ITPR2: variants seen among roughly 807,000 people sequenced by gnomAD.
ITPR2 encodes inositol 1,4,5-trisphosphate receptor type 2, also known as inositol 1,4,5-trisphosphate-gated calcium channel ITPR2.
Under a neutral mutation model 317.1 loss-of-function variants are expected in ITPR2, and 207 were observed. The ratio of observed to expected loss-of-function variants is 0.65; its 90% CI spans 0.58 to 0.73. The LOEUF is 0.73. ITPR2 is among the 30% of genes least tolerant of loss of function. The pLI, the probability that ITPR2 is intolerant of heterozygous loss-of-function variation, is 0.00. For missense variants in ITPR2, 2,613 were observed against 3,284.0 expected, an observed-to-expected ratio of 0.80 and a Z score of 4.99; for synonymous variants, 1,156 against 1,149.1, an observed-to-expected ratio of 1.01 and a Z score of -0.12.
intron 14 of ITPR2, 102 bp from the exon 15 acceptor site, chr12:26,663,948 A>G: frequency 9.3e-7 from 1 of 1,078,228 alleles, no homozygotes; most frequent in Non-Finnish European, 1.3e-6. Flanking sequence ...ACTTATATAA[A>G]TTTGAGTATT....
chr12:26,829,460 G>A (rs1951064815), intron 1 of ITPR2, among the ~76,000 whole-genome samples: 3 of 151,758 alleles, frequency 2.0e-5, no homozygotes, highest in Admixed American at 2.0e-4. Context: ...CCTCCCAAGT[G>A]GCTGAGACCA....
intron 11 of ITPR2, among the ~76,000 whole-genome samples, chr12:26,683,690 T>C (rs1948078319): frequency 6.6e-6 from 1 of 152,190 alleles, no homozygotes; most frequent in Non-Finnish European, 1.5e-5. Flanking sequence ...GGAACAATGG[T>C]TCAGTATTTG....
At chr12:26,607,873 G>A (rs946607648) in intron 26 of ITPR2, among the ~76,000 whole-genome samples, 10 of 151,512 alleles carry the variant, frequency 6.6e-5, no homozygotes, top group African/African-American at 2.2e-4. Context: ...AAGGTCAGGA[G>A]ATCGAGACCA....
chr12:26,516,305 A>AGGAAAGGAAGGGAAAGGAAG (rs1555145819), intron 37 of ITPR2, among the ~76,000 whole-genome samples: 1 of 84,882 alleles, frequency 1.2e-5, no homozygotes. Flanking sequence ...AGGAAAGGAA[A>AGGAAAGGAAGGGAAAGGAAG]GGAAAGGAAA....
At chr12:26,490,341 G>A (rs1942769825) in intron 39 of ITPR2, among the ~76,000 whole-genome samples, 1 of 152,236 alleles carries the variant, frequency 6.6e-6, no homozygotes, top group Admixed American at 6.5e-5. Flanking sequence ...ACTTTGTGAA[G>A]AAGAAAGAAT....
In ITPR2 at chr12:26,725,760, G is replaced by A. The variant is rs1297505737; in HGVS notation, c.169C>T (p.Leu57Phe). ...CTGTTCATAGGGCACACCTTGAAAA[G>A]GCAGTCTGTGACAAACCAACATACA... is the stretch of plus-strand genomic sequence containing the variant. ...ANPPKKFRDC[L>F]FKVCPMNRYS... Residue 57 changes from leucine to phenylalanine, a missense_variant, in exon 3 of 57, where the codon CTT becomes TTT. Physicochemically the swap from Leu to Phe is conservative, Grantham distance 22 (BLOSUM62 0). This residue lies in a region of ITPR2 where 515 missense variants were observed against 789.4 expected (regional missense o/e 0.65). Coordinates refer to ENST00000381340, the MANE Select transcript of ITPR2 (RefSeq NM_002223.4). 2 of 1,608,806 alleles carry A rather than the reference G, an allele frequency of 1.2e-6. No homozygotes were observed. The highest frequency in any genetic ancestry group is 1.3e-5 in the African/African-American group (1 of 74,868).
intron 37 of ITPR2, among the ~76,000 whole-genome samples, chr12:26,533,710 G>C (rs1201618416): frequency 6.6e-6 from 1 of 152,160 alleles, no homozygotes; most frequent in East Asian, 1.9e-4. Flanking sequence ...GACACAAGGA[G>C]AGGGTGGCCA....
intron 1 of ITPR2, among the ~76,000 whole-genome samples, chr12:26,822,358 T>C (rs140438672): frequency 3.2e-4 from 48 of 152,316 alleles, no homozygotes; most frequent in African/African-American, 1.1e-3. Flanking sequence ...TATCTATGGC[T>C]TTTTTAACAT....
chr12:26,548,927 T>C (rs1010998450), intron 37 of ITPR2, among the ~76,000 whole-genome samples: 1 of 152,220 alleles, frequency 6.6e-6, no homozygotes, highest in Non-Finnish European at 1.5e-5. Flanking sequence ...TTTCCGATTT[T>C]CCTTTGGAGT....
chr12:26,792,350 CT>C (rs1950356281), intron 1 of ITPR2, among the ~76,000 whole-genome samples: 1 of 151,590 alleles, frequency 6.6e-6, no homozygotes, highest in Admixed American at 6.6e-5. Flanking sequence ...TATATGATCA[CT>C]GGCATTAAAA....
At chr12:26,607,339 T>C (rs1342249922) in intron 26 of ITPR2, among the ~76,000 whole-genome samples, 1 of 152,228 alleles carries the variant, frequency 6.6e-6, no homozygotes, top group Non-Finnish European at 1.5e-5. Flanking sequence ...ACCGGTCTTT[T>C]ATATTTGATT....
At chr12:26,744,026 G>A (rs540821172) in intron 2 of ITPR2, among the ~76,000 whole-genome samples, 27 of 152,214 alleles carry the variant, frequency 1.8e-4, no homozygotes, top group Non-Finnish European at 3.5e-4. Context: ...TTCTCTCCTG[G>A]CTGCAGCAAC....
chr12:26,780,444 A>G (rs1281299534), intron 2 of ITPR2, among the ~76,000 whole-genome samples: 1 of 152,186 alleles, frequency 6.6e-6, no homozygotes, highest in Non-Finnish European at 1.5e-5. Context: ...GGTATTCCAC[A>G]CAACATTGCC....
At chr12:26,784,319 GCCTCTCCCTCTCCCTCTCCCTCTCCCTC>G (rs1950159235) in intron 2 of ITPR2, among the ~76,000 whole-genome samples, 1 of 31,720 alleles carries the variant, frequency 3.2e-5, no homozygotes, top group African/African-American at 1.5e-4. Context: ...CTCTCCCTCT[GCCTCTCCCTCTCCCTCTCCCTCTCCCTC>G]TCCCTCTCCC....
chr12:26,659,065 A>G, intron 16 of ITPR2, 48 bp downstream of exon 16: 11 of 1,469,646 alleles, frequency 7.5e-6, no homozygotes, highest in Non-Finnish European at 1.0e-5. Context: ...ATAAAACATA[A>G]AGCCGCAATC....
At chr12:26,632,601 G>A (rs923526174) in intron 21 of ITPR2, among the ~76,000 whole-genome samples, 1 of 152,088 alleles carries the variant, frequency 6.6e-6, no homozygotes, top group Admixed American at 6.6e-5. Context: ...AGAAAAAATA[G>A]TCTCATCTGG....
intron 50 of ITPR2, among the ~76,000 whole-genome samples, chr12:26,417,882 A>C (rs1321631639): frequency 2.6e-5 from 4 of 152,228 alleles, no homozygotes; most frequent in African/African-American, 9.6e-5. Context: ...AGTGGTTTAA[A>C]AATTATAGAA....
chr12:26,551,105 A>G (rs1327839664), intron 36 of ITPR2, among the ~76,000 whole-genome samples: 1 of 152,230 alleles, frequency 6.6e-6, no homozygotes, highest in Non-Finnish European at 1.5e-5. Context: ...TATATCGCCT[A>G]TATAGCTCAT....
Position 26,336,628 on chromosome 12 carries a change from C to T in ITPR2, c.*2769G>A, listed in dbSNP as rs1937924385. On this transcript the variant is annotated 3_prime_UTR_variant, in exon 57 of 57. Transcript: ENST00000381340. Reference sequence around the variant, plus strand: ...AACATACTGGCATTAAGCTCTTGAGCCTCAGAATGGAGCACAGAGGGAACA... The same window carrying T: ...AACATACTGGCATTAAGCTCTTGAGTCTCAGAATGGAGCACAGAGGGAACA... 2 of 152,046 alleles carry T rather than the reference C, an allele frequency of 1.3e-5. No homozygotes were observed. Among genetic ancestry groups the T allele is most frequent in the South Asian group, 4.2e-4 (2 of 4,816 alleles). 9.4% of individuals were successfully genotyped at this position (152,046 alleles called of 1,614,324 possible). A position where few individuals can be genotyped will look rare whatever the true frequency, so the allele number is the denominator to read the frequency against.
Sources: allele counts gnomAD v4.1 joint callset (sites outside exome capture counted in the v4.1 genomes callset), GRCh38; gene constraint gnomAD v4.1.1; regional missense constraint gnomAD v4.1.1; transcripts MANE v1.5; gene names NCBI Gene and HGNC (gene_info 2026-07-23, HGNC 2026-07-21).